Variants in THSD7B observed in about 807,000 individuals in gnomAD.
THSD7B encodes thrombospondin type-1 domain-containing protein 7B.
THSD7B carries 138 observed loss-of-function variants against 213.6 expected under a neutral mutation model. That is an observed-to-expected ratio of 0.65 (90% CI 0.56 to 0.74). THSD7B has a LOEUF of 0.74. Ranked by LOEUF, THSD7B falls within the 30% of genes least tolerant of loss-of-function variation. The pLI is 0.00. For synonymous variants in THSD7B, 742 were observed against 687.0 expected, an observed-to-expected ratio of 1.08 and a Z score of -1.25; for missense variants, 1,931 against 1,991.5, an observed-to-expected ratio of 0.97 and a Z score of 0.58.
intron 2 of THSD7B, among the ~76,000 whole-genome samples, chr2:136,962,309 T>C (rs1685232644): frequency 6.6e-6 from 1 of 151,562 alleles, no homozygotes; most frequent in Non-Finnish European, 1.5e-5. Flanking sequence ...CCTTCAAAAC[T>C]GTAAGATAAT....
At chr2:136,793,926 A>T (rs1438963696) in intron 1 of THSD7B, among the ~76,000 whole-genome samples, 1 of 151,778 alleles carries the variant, frequency 6.6e-6, no homozygotes, top group East Asian at 1.9e-4. Context: ...GTTTTAAATT[A>T]TAGATACAAA....
intron 2 of THSD7B, among the ~76,000 whole-genome samples, chr2:136,946,645 C>T (rs1032786750): frequency 2.6e-5 from 4 of 152,276 alleles, no homozygotes; most frequent in South Asian, 2.1e-4. Flanking sequence ...CTGCCCAGTT[C>T]GAGCTTCCCG....
At chr2:137,404,458 TATATATATATATATATACACACACACAC>T in intron 12 of THSD7B, among the ~76,000 whole-genome samples, 1 of 108,432 alleles carries the variant, frequency 9.2e-6, no homozygotes, top group South Asian at 3.4e-4. Flanking sequence ...TATATATATA[TATATATATATATATATACACACACACAC>T]ACACACACAC....
intron 2 of THSD7B, among the ~76,000 whole-genome samples, chr2:137,029,981 A>T (rs10164584): frequency 2.0e-5 from 3 of 152,242 alleles, no homozygotes; most frequent in Admixed American, 2.0e-4. Flanking sequence ...TGTGATCTGT[A>T]TAAGACTGTG....
intron 1 of THSD7B, among the ~76,000 whole-genome samples, chr2:136,815,737 G>A (rs1032827301): frequency 6.6e-6 from 1 of 152,130 alleles, no homozygotes; most frequent in African/African-American, 2.4e-5. Context: ...AACAAATTAA[G>A]TTATAAGTTG....
chr2:136,862,613 A>T (rs1683272811), intron 1 of THSD7B, among the ~76,000 whole-genome samples: 1 of 152,328 alleles, frequency 6.6e-6, no homozygotes, highest in South Asian at 2.1e-4. Flanking sequence ...TAGGATCATC[A>T]ACTGGGGAGT....
chr2:137,191,350 G>T (rs1306150782), intron 7 of THSD7B, among the ~76,000 whole-genome samples: 2 of 151,998 alleles, frequency 1.3e-5, no homozygotes, highest in Non-Finnish European at 2.9e-5. Flanking sequence ...AAAATTGTAT[G>T]TAAATCTCCT....
At chr2:137,541,321 G>A (rs947819769) in intron 15 of THSD7B, among the ~76,000 whole-genome samples, 13 of 151,506 alleles carry the variant, frequency 8.6e-5, no homozygotes, top group African/African-American at 2.9e-4. Context: ...AAAAAATATG[G>A]TCCAAAAACA....
chr2:137,662,411 C>T (rs1198795179), intron 25 of THSD7B, among the ~76,000 whole-genome samples: 2 of 151,726 alleles, frequency 1.3e-5, no homozygotes. Context: ...GGGAGACTGC[C>T]TTTCCCTCGT....
At chr2:137,509,838 T>C (rs1447457547) in intron 15 of THSD7B, among the ~76,000 whole-genome samples, 1 of 152,180 alleles carries the variant, frequency 6.6e-6, no homozygotes, top group Admixed American at 6.5e-5. Context: ...TTGTTATAGG[T>C]TTATGATTGG....
intron 2 of THSD7B, among the ~76,000 whole-genome samples, chr2:136,949,963 A>G (rs1483511015): frequency 6.6e-6 from 1 of 152,218 alleles, no homozygotes; most frequent in African/African-American, 2.4e-5. Flanking sequence ...TAGACTGGAT[A>G]AAGAAAATGT....
chr2:136,787,843 C>T lies in THSD7B; in HGVS notation c.-36+22156C>T, dbSNP rs1047987317. Among the ~76,000 whole-genome samples, 300 of 151,920 alleles carry T rather than the reference C, an allele frequency of 2.0e-3. 2 individuals are homozygous for T. Among genetic ancestry groups the T allele is most frequent in the African/African-American group, 6.6e-3 (272 of 41,442 alleles). On this transcript the variant is annotated intron_variant, in intron 1 of 27. Transcript: ENST00000409968. ...CTTTTAAGAGCCATTGTGTAGTTTC[C>T]CCTAATGCTATTTTCTCCTTCTGTC...
chr2:137,132,485 A>T lies in THSD7B; in HGVS notation c.1369+17192A>T, dbSNP rs1293713143. On this transcript the variant is annotated intron_variant, in intron 5 of 27. Transcript: ENST00000409968. ...TAAGGCAAGGATACTTTCTTATGTG[A>T]GTTCACATTACATATTATCAATATA... Among the ~76,000 whole-genome samples the T allele has an allele frequency of 3.3e-5, 5 of 152,202 alleles. No homozygotes were observed. In the East Asian group the frequency reaches 9.7e-4, roughly 29 times the overall value.
chr2:137,408,782 C>T (rs1355926358), intron 13 of THSD7B, among the ~76,000 whole-genome samples: 3 of 152,150 alleles, frequency 2.0e-5, no homozygotes, highest in African/African-American at 2.4e-5. Flanking sequence ...CCCCTCCCTC[C>T]GTCTTCAAAG....
chr2:137,624,600 C>T (rs558518711), intron 20 of THSD7B, among the ~76,000 whole-genome samples: 1 of 149,862 alleles, frequency 6.7e-6, no homozygotes, highest in East Asian at 1.9e-4. Context: ...TATCCAGAAT[C>T]TACAAAGAAC....
At chr2:136,990,130 A>C (rs1685743492) in intron 2 of THSD7B, among the ~76,000 whole-genome samples, 1 of 152,238 alleles carries the variant, frequency 6.6e-6, no homozygotes, top group East Asian at 1.9e-4. Flanking sequence ...GAGGCAACCG[A>C]GGTCAAAAGG....
intron 17 of THSD7B, among the ~76,000 whole-genome samples, chr2:137,606,572 T>C (rs1573739550): frequency 2.0e-5 from 3 of 152,234 alleles, no homozygotes; most frequent in Admixed American, 2.0e-4. Flanking sequence ...TGGCCCCTTC[T>C]ACTTTTCTGG....
chr2:137,551,584 T>A (rs991123294), intron 15 of THSD7B, among the ~76,000 whole-genome samples: 2 of 152,184 alleles, frequency 1.3e-5, no homozygotes, highest in African/African-American at 4.8e-5. Flanking sequence ...CTACCAAAGT[T>A]ATTCTAATAA....
rs542206299 is a variant in THSD7B at position 137,635,087 on chromosome 2, G to GA, written c.3800-7396dup. On this transcript the variant is annotated intron_variant, in intron 20 of 27. Coordinates refer to ENST00000409968, the MANE Select transcript of THSD7B (RefSeq NM_001316349.2). Reference sequence around the variant, plus strand: ...TAATGAGGTCCCAGTATTCTCCAGGGAAAAAGAGGAAAAGGCTCAGAGAGG... The same window carrying GA: ...TAATGAGGTCCCAGTATTCTCCAGGGAAAAAAGAGGAAAAGGCTCAGAGAGG... Among the ~76,000 whole-genome samples, 236 of 152,142 alleles carry GA rather than the reference G, an allele frequency of 1.6e-3. 1 individual carries two copies. The highest frequency in any genetic ancestry group is 2.5e-3 in the Non-Finnish European group (167 of 68,008).
Sources: allele counts gnomAD v4.1 joint callset (sites outside exome capture counted in the v4.1 genomes callset), GRCh38; gene constraint gnomAD v4.1.1; transcripts MANE v1.5; gene names NCBI Gene and HGNC (gene_info 2026-07-23, HGNC 2026-07-21).